The following SNRPA1 variants were observed in gnomAD, a reference collection of about 807,000 sequenced individuals.
SNRPA1 encodes the protein U2 small nuclear ribonucleoprotein A'.
In SNRPA1, 5 loss-of-function variants were observed where a neutral mutation model predicts 32.3. The ratio of observed to expected loss-of-function variants is 0.15; its 90% confidence interval spans 0.08 to 0.33. The LOEUF (loss-of-function observed/expected upper bound fraction) is 0.33, where lower values mean the gene tolerates loss of function less well. Among genes scored for constraint, SNRPA1 ranks in the 10% least tolerant of loss-of-function variants. SNRPA1 has a pLI of 1.00. For synonymous variants in SNRPA1, 111 were observed against 120.1 expected (o/e 0.92, Z 0.50); for missense variants, 198 against 311.1 (o/e 0.64, Z 2.74).
chr15:101,287,354 G>T (rs184656416), intron 4 of SNRPA1, among the ~76,000 whole-genome samples: 2 of 151,958 alleles, frequency 1.3e-5, no homozygotes, highest in East Asian at 3.9e-4. Context: ...CCCACAACAG[G>T]CCCCGGTGTG....
In SNRPA1 at chr15:101,291,973, G is replaced by T. The variant is rs114919170; in HGVS notation, c.298C>A (p.Leu100Ile). 5 of 1,609,834 alleles carry T rather than the reference G, an allele frequency of 3.1e-6. No homozygotes were observed. In the African/African-American group the frequency reaches 6.7e-5, roughly 21 times the overall value. ...TCTGTGCAACTTACCAGTTCCACGA[G>T]ACTATTATTGGTGAGAATGAGTTCT... ...LTELILTNNS[L>I]VELGDLDPLA... The change falls in exon 3 of 9, where the codon CTC (leucine) becomes ATC (isoleucine). Residue 100 changes from leucine (L) to isoleucine (I), a missense_variant. Physicochemically the swap from Leu to Ile is conservative, Grantham distance 5. Around this residue, in one of 3 missense-constraint regions of SNRPA1, gnomAD observed 119 missense variants for 171.6 expected, o/e 0.69. Coordinates refer to ENST00000254193, the MANE Select transcript of SNRPA1 (RefSeq NM_003090.4).
chr15:101,285,305 A>C (rs1412574749), intron 7 of SNRPA1, among the ~76,000 whole-genome samples: 1 of 152,236 alleles, frequency 6.6e-6, no homozygotes, highest in Non-Finnish European at 1.5e-5. Context: ...ACATGTTCTA[A>C]AATCGTAGCT....
At chr15:101,294,444 G>C (rs1288793554) in intron 1 of SNRPA1, among the ~76,000 whole-genome samples, 1 of 152,164 alleles carries the variant, frequency 6.6e-6, no homozygotes, top group Admixed American at 6.6e-5. Context: ...TGCCCTCCCA[G>C]TATCTTACCA....
chr15:101,285,771 G>A lies in SNRPA1; in HGVS notation c.570C>T (p.Asp190=), dbSNP rs769485641. 1 of 1,613,760 alleles carries A rather than the reference G, an allele frequency of 6.2e-7. No homozygotes were observed. Among genetic ancestry groups the A allele is most frequent in the Non-Finnish European group, 8.5e-7 (1 of 1,179,848 alleles). Reference sequence around the variant, plus strand: ...CTGGAGATGGCCCACCTTTCTTTTTGTCAGTTGGCAAACCAGCACCTGGAT... The same window carrying A: ...CTGGAGATGGCCCACCTTTCTTTTTATCAGTTGGCAAACCAGCACCTGGAT... The part of the protein sequence containing the change: ...TFNPGAGLPT[D]KKKGGPSPGD... The change falls in exon 7 of 9, where the codon GAC becomes GAT. Residue 190 remains aspartate, a synonymous_variant. Coordinates refer to ENST00000254193, the MANE Select transcript of SNRPA1 (RefSeq NM_003090.4).
chr15:101,283,884 G>A (rs1342795474), intron 8 of SNRPA1, among the ~76,000 whole-genome samples: 5 of 152,234 alleles, frequency 3.3e-5, no homozygotes, highest in Non-Finnish European at 5.9e-5. Flanking sequence ...AGGTTGGCGT[G>A]AGCCGAGATC....
At position 101,281,700 on chromosome 15, in the gene SNRPA1, A is replaced by G. The variant is rs748155071; in HGVS notation, c.*24T>C. On this transcript the variant is annotated 3_prime_UTR_variant, in exon 9 of 9. Coordinates refer to ENST00000254193, the MANE Select transcript of SNRPA1 (RefSeq NM_003090.4). ...AGCAAGACTTGTTCCAAGAGGGCCTATTATTATACATCTGCCTCACTGCTC... is the reference window on the plus strand; with the variant it reads ...AGCAAGACTTGTTCCAAGAGGGCCTGTTATTATACATCTGCCTCACTGCTC... 12 of 1,564,348 alleles carry G rather than the reference A, an allele frequency of 7.7e-6. No individual in the cohort carries two copies. The East Asian group carries it at 2.0e-4, about 26-fold the overall frequency.
intron 3 of SNRPA1, chr15:101,288,346 A>T (rs1289463069): frequency 6.7e-6 from 1 of 148,780 alleles, no homozygotes; most frequent in Non-Finnish European, 1.5e-5. Flanking sequence ...TCCCGAATTC[A>T]TGCCATTCTC....
At chr15:101,290,942 A>C (rs1006605577) in intron 3 of SNRPA1, among the ~76,000 whole-genome samples, 1 of 151,964 alleles carries the variant, frequency 6.6e-6, no homozygotes, top group Non-Finnish European at 1.5e-5. Flanking sequence ...GGGTTTCACC[A>C]TATTGCCCAG....
intron 6 of SNRPA1, 110 bp from the exon 7 acceptor site, chr15:101,285,911 G>C (rs1567124472): frequency 2.6e-6 from 2 of 777,032 alleles, no homozygotes; most frequent in East Asian, 2.6e-5. Context: ...TCTTATCTTT[G>C]TTAACAAACT....
chr15:101,293,861 G>A (rs2039555871), intron 1 of SNRPA1, among the ~76,000 whole-genome samples: 2 of 152,332 alleles, frequency 1.3e-5, no homozygotes, highest in African/African-American at 2.4e-5. Flanking sequence ...ATTCAGAGCT[G>A]TACTACACGT....
At position 101,281,682 on chromosome 15, in the gene SNRPA1, C is replaced by T. The variant is rs779598461; in HGVS notation, c.*42G>A. 1 of 1,474,328 alleles carries T rather than the reference C, an allele frequency of 6.8e-7. No individual in the cohort carries two copies. Among genetic ancestry groups the T allele is most frequent in the Non-Finnish European group, 9.5e-7 (1 of 1,052,460 alleles). 91.3% of individuals were successfully genotyped at this position (1,474,328 alleles called of 1,614,324 possible). ...ATTATACCATGTTCGAAAAGCAAGACTTGTTCCAAGAGGGCCTATTATTAT... is the reference window on the plus strand; with the variant it reads ...ATTATACCATGTTCGAAAAGCAAGATTTGTTCCAAGAGGGCCTATTATTAT... On this transcript the variant is annotated 3_prime_UTR_variant, in exon 9 of 9. Transcript: ENST00000254193.
intron 3 of SNRPA1, among the ~76,000 whole-genome samples, chr15:101,290,212 C>A (rs917715530): frequency 6.6e-5 from 10 of 152,124 alleles, no homozygotes; most frequent in Admixed American, 6.5e-5. Flanking sequence ...AAACTAAAAT[C>A]GACAGAACTT....
chr15:101,292,838 G>GA (rs1176818036), intron 2 of SNRPA1, 187 bp downstream of exon 2: 3 of 391,410 alleles, frequency 7.7e-6, no homozygotes, highest in East Asian at 4.0e-5. Context: ...CTCATTTTAA[G>GA]AAAAAACATG....
chr15:101,281,802 C>G lies in SNRPA1; in HGVS notation c.710-20G>C, dbSNP rs375194022. 2 of 1,612,200 alleles carry G rather than the reference C, an allele frequency of 1.2e-6. No homozygotes were observed. The highest frequency in any genetic ancestry group is 1.1e-5 in the South Asian group (1 of 91,038). ...TGGGCCCTAAAGAAAACCACCAAAG[C>G]AAAAGTAGTATCAATTTTAGAGAAT... On this transcript the variant is annotated intron_variant, in intron 8 of 8. Coordinates refer to ENST00000254193, the MANE Select transcript of SNRPA1 (RefSeq NM_003090.4).
chr15:101,291,679 T>C (rs1351356365), intron 3 of SNRPA1, among the ~76,000 whole-genome samples: 2 of 152,148 alleles, frequency 1.3e-5, no homozygotes, highest in African/African-American at 4.8e-5. Flanking sequence ...ATAGGGGAAA[T>C]TTAAACATCA....
chr15:101,295,010 T>C, intron 1 of SNRPA1, 87 bp downstream of exon 1: 1 of 869,116 alleles, frequency 1.2e-6, no homozygotes, highest in Non-Finnish European at 1.6e-6. Context: ...CGGGCCAAGC[T>C]CCGGCCTTCG....
rs534780631 is a variant in SNRPA1 at position 101,294,840 on chromosome 15, G to C, written c.82+257C>G. ...AGCAAGGCCTAACAGGGCCCCACGA[G>C]GACGCACCAGGAAGTAATGAAGTCA... On this transcript the variant is annotated intron_variant, in intron 1 of 8. Coordinates refer to ENST00000254193, the MANE Select transcript of SNRPA1 (RefSeq NM_003090.4). 1.3e-4 allele frequency: 51 copies of C among 397,682 alleles called. 2 individuals carry two copies. The South Asian group carries it at 4.2e-3, about 33-fold the overall frequency. The allele number at this position is 397,682 out of a possible 1,614,324, so 24.6% of individuals were successfully genotyped here.
chr15:101,294,010 G>A (rs1227349168), intron 1 of SNRPA1, among the ~76,000 whole-genome samples: 2 of 152,248 alleles, frequency 1.3e-5, no homozygotes, highest in African/African-American at 4.8e-5. Flanking sequence ...AAGGCGGGCG[G>A]ATCACCTGAG....
At chr15:101,285,343 T>C (rs2039443122) in intron 7 of SNRPA1, among the ~76,000 whole-genome samples, 1 of 152,226 alleles carries the variant, frequency 6.6e-6, no homozygotes, top group African/African-American at 2.4e-5. Context: ...GCAATTATGT[T>C]ACTGAATAAT....
Sources: allele counts gnomAD v4.1 joint callset (sites outside exome capture counted in the v4.1 genomes callset), GRCh38; gene constraint gnomAD v4.1.1; regional missense constraint gnomAD v4.1.1; transcripts MANE v1.5; gene names NCBI Gene and HGNC (gene_info 2026-07-23, HGNC 2026-07-21).